The following WT1 variants were observed in gnomAD, a reference collection of about 807,000 sequenced individuals.
The protein encoded by WT1 is WT1 transcription factor.
In WT1, 8 loss-of-function variants were observed where a neutral mutation model predicts 60.8. That is an observed-to-expected ratio of 0.13 (90% CI 0.08 to 0.24). The LOEUF (loss-of-function observed/expected upper bound fraction) is 0.24. WT1 is among the 10% of genes least tolerant of loss of function. The pLI is 1.00. For missense variants in WT1, 568 were observed against 711.8 expected, an observed-to-expected ratio of 0.80 and a Z score of 2.30; for synonymous variants, 312 against 297.1, an observed-to-expected ratio of 1.05 and a Z score of -0.52.
rs115115948 is a variant in WT1 at position 32,391,090 on chromosome 11, G to A, written c.1447+882C>T. 7.5e-3 allele frequency among the ~76,000 whole-genome samples: 1,145 copies of A among 152,148 alleles called. 11 individuals carry two copies. Among genetic ancestry groups the A allele is most frequent in the African/African-American group, 0.026 (1,083 of 41,516 alleles). On this transcript the variant is annotated intron_variant, in intron 9 of 9. Transcript: ENST00000452863. Reference sequence around the variant, plus strand: ...GCCTCCCAAGCAAGGTCTAGTGAGCGTCCTACCTCAGCCTCCCCCAAATAG... The same window carrying A: ...GCCTCCCAAGCAAGGTCTAGTGAGCATCCTACCTCAGCCTCCCCCAAATAG...
At chr11:32,393,452 C>A (rs1305062027) in intron 7 of WT1, among the ~76,000 whole-genome samples, 1 of 152,218 alleles carries the variant, frequency 6.6e-6, no homozygotes, top group East Asian at 1.9e-4. Flanking sequence ...GGGACCTGAG[C>A]CCCAAGAGAA....
chr11:32,418,489 G>C (rs1408768232), intron 3 of WT1, among the ~76,000 whole-genome samples: 1 of 152,150 alleles, frequency 6.6e-6, no homozygotes, highest in Admixed American at 6.5e-5. Flanking sequence ...TATGAAATTT[G>C]AGACCCAAGA....
chr11:32,404,153 C>G (rs1186722570), intron 5 of WT1, among the ~76,000 whole-genome samples: 1 of 151,214 alleles, frequency 6.6e-6, no homozygotes, highest in African/African-American at 2.4e-5. Context: ...GCCTCTAATC[C>G]TATCTGCTTG....
intron 1 of WT1, among the ~76,000 whole-genome samples, chr11:32,432,256 C>A (rs959494059): frequency 2.0e-5 from 3 of 152,204 alleles, no homozygotes; most frequent in African/African-American, 7.2e-5. Flanking sequence ...TGATTCCTCT[C>A]CCCTGGGGTT....
intron 5 of WT1, among the ~76,000 whole-genome samples, chr11:32,401,293 T>C (rs757725617): frequency 1.3e-5 from 2 of 152,186 alleles, no homozygotes; most frequent in Non-Finnish European, 2.9e-5. Flanking sequence ...ATGTCCAGAA[T>C]AAGCAAATCT....
chr11:32,404,447 T>G (rs1048063744), intron 5 of WT1, among the ~76,000 whole-genome samples: 10 of 151,966 alleles, frequency 6.6e-5, no homozygotes, highest in African/African-American at 2.4e-4. Flanking sequence ...CAAGGTGTCA[T>G]GAGGCTATGG....
intron 8 of WT1, 145 bp downstream of exon 8, chr11:32,392,521 T>C: frequency 1.2e-6 from 1 of 813,898 alleles, no homozygotes; most frequent in Non-Finnish European, 2.1e-6. Context: ...AGGAGGAACA[T>C]CTCCAGAGAT....
chr11:32,390,695 C>A (rs999048435), intron 9 of WT1, among the ~76,000 whole-genome samples: 2 of 152,206 alleles, frequency 1.3e-5, no homozygotes, highest in African/African-American at 4.8e-5. Flanking sequence ...CTAATCCCAA[C>A]CCTGTCTCTT....
In WT1 at chr11:32,400,101, A is replaced by G. The variant is rs1852107532; in HGVS notation, c.1017-57T>C. The G allele has an allele frequency of 1.1e-5, 17 of 1,585,612 alleles. No homozygotes were observed. The South Asian group carries it at 1.8e-4, about 17-fold the overall frequency. ...TGTGGCTCACAGTCGCCATTTGGAA[A>G]TGCTTATCTGCAATCAGGAGGGAAT... On this transcript the variant is annotated intron_variant, in intron 5 of 9. Coordinates refer to ENST00000452863, the MANE Select transcript of WT1 (RefSeq NM_024426.6).
chr11:32,401,866 G>A (rs140769477), intron 5 of WT1, among the ~76,000 whole-genome samples: 416 of 152,286 alleles, frequency 2.7e-3, no homozygotes, highest in Non-Finnish European at 4.2e-3. Context: ...AAGCCTCCAG[G>A]TGGGATTAAA....
intron 7 of WT1, 79 bp downstream of exon 7, chr11:32,396,178 G>A: frequency 6.3e-7 from 1 of 1,593,266 alleles, no homozygotes; most frequent in Non-Finnish European, 8.6e-7. Context: ...GAAATAACCT[G>A]GGTCCTTAGC....
chr11:32,435,004 C>T lies in WT1; in HGVS notation c.357G>A (p.Ser119=). 1 of 1,492,590 alleles carries T rather than the reference C, an allele frequency of 6.7e-7. No individual in the cohort carries two copies. Among genetic ancestry groups the T allele is most frequent in the East Asian group, 2.5e-5 (1 of 40,056 alleles). 92.5% of individuals were successfully genotyped at this position (1,492,590 alleles called of 1,614,324 possible). Residue 119 remains serine, a synonymous_variant, in exon 1 of 10, where the codon TCG becomes TCA. Transcript: ENST00000452863. ...CGGGGCCGCCCAACGACCCGTAAGC[C>T]GAAGCGCCCGGGGGCGCAAAGTCCA...
intron 5 of WT1, among the ~76,000 whole-genome samples, chr11:32,414,313 C>T (rs1852596211): frequency 6.6e-6 from 1 of 152,160 alleles, no homozygotes; most frequent in African/African-American, 2.4e-5. Context: ...CACTCTATCG[C>T]CCAGGCTGGA....
At chr11:32,428,771 C>G in intron 1 of WT1, 152 bp from the exon 2 acceptor site, 1 of 1,335,814 alleles carries the variant, frequency 7.5e-7, no homozygotes, top group Admixed American at 2.0e-5. Context: ...GCCTCCAGGA[C>G]TTTCGGCAGG....
At position 32,435,239 on chromosome 11, in the gene WT1, G is replaced by A. The variant is rs773550149; in HGVS notation, c.122C>T (p.Pro41Leu). Residue 41 changes from proline (P) to leucine (L), a missense_variant, in exon 1 of 10, where the codon CCG (proline) becomes CTG (leucine). By Grantham distance (98) the Pro-to-Leu change is moderately conservative. Coordinates refer to ENST00000452863, the MANE Select transcript of WT1 (RefSeq NM_024426.6). The stretch of plus-strand genomic sequence containing the variant: ...GCCTAACTTGGCCCAGATGCCGCCC[G>A]GGTCCCGGACTCCCTGCTGCTCTGG... The A allele has an allele frequency of 5.9e-6, 9 of 1,535,670 alleles. No homozygotes were observed. Among genetic ancestry groups the A allele is most frequent in the South Asian group, 3.6e-5 (3 of 84,154 alleles).
intron 1 of WT1, chr11:32,430,927 A>T: frequency 2.0e-6 from 2 of 999,140 alleles, no homozygotes; most frequent in Non-Finnish European, 2.5e-6. Context: ...GTGCGGGGGC[A>T]GGGGCCAGGG....
chr11:32,400,089 C>G (rs1375924654), intron 5 of WT1, 45 bp from the exon 6 acceptor site: 1 of 1,603,816 alleles, frequency 6.2e-7, no homozygotes, highest in Non-Finnish European at 8.5e-7. Context: ...GGCTCACAGT[C>G]GCCATTTGGA....
At chr11:32,402,542 T>C (rs1004641761) in intron 5 of WT1, among the ~76,000 whole-genome samples, 4 of 152,238 alleles carry the variant, frequency 2.6e-5, no homozygotes, top group Non-Finnish European at 5.9e-5. Flanking sequence ...ACAATGTGAC[T>C]TACACATTTT....
chr11:32,434,559 C>A (rs1853423021), intron 1 of WT1, 141 bp downstream of exon 1: 3 of 1,488,738 alleles, frequency 2.0e-6, no homozygotes, highest in Non-Finnish European at 2.7e-6. Context: ...CCCCAGCCGC[C>A]GCTTCCGCTA....
Sources: allele counts gnomAD v4.1 joint callset (sites outside exome capture counted in the v4.1 genomes callset), GRCh38; gene constraint gnomAD v4.1.1; transcripts MANE v1.5; gene names NCBI Gene and HGNC (gene_info 2026-07-23, HGNC 2026-07-21).